Variants in NHS observed in about 807,000 individuals in gnomAD.
NHS encodes the protein actin remodeling regulator NHS.
A neutral mutation model predicts 72.5 loss-of-function variants in NHS; 5 were observed. The ratio of observed to expected loss-of-function variants is 0.07; its 90% CI spans 0.04 to 0.14. NHS has a LOEUF of 0.14. Ranked by LOEUF, NHS falls within the 10% of genes least tolerant of loss-of-function variation. The probability of loss-of-function intolerance (pLI) is 1.00; values close to 1 mark genes in which losing one functional copy is unlikely to be tolerated. For synonymous variants in NHS, 464 were observed against 547.7 expected, an observed-to-expected ratio of 0.85 and a Z score of 2.13; for missense variants, 1,072 against 1,355.7, an observed-to-expected ratio of 0.79 and a Z score of 3.29.
chrX:17,413,216 CT>C (rs1453957995), intron 1 of NHS, among the ~76,000 whole-genome samples: 9 of 112,162 alleles, frequency 8.0e-5, no homozygotes, highest in African/African-American at 2.9e-4. Flanking sequence ...GTAATTTTGT[CT>C]TACAGTCAAT....
At chrX:17,441,658 CTTCCTTCCTTCCTTCCTTCG>C (rs1352158400) in intron 1 of NHS, among the ~76,000 whole-genome samples, 1 of 110,559 alleles carries the variant, frequency 9.0e-6, no homozygotes, top group Non-Finnish European at 1.9e-5. Context: ...CCAGTTTTTC[CTTCCTTCCTTCCTTCCTTCG>C]TTCCTTCCTT....
In NHS at chrX:17,375,845, G is replaced by T; in HGVS notation, c.88G>T (p.Gly30Cys). 1.8e-6 allele frequency: 2 copies of T among 1,141,653 alleles called. No individual in the cohort carries two copies. Among genetic ancestry groups the T allele is most frequent in the Non-Finnish European group, 2.3e-6 (2 of 867,075 alleles). The allele number at this position is 1,141,653 out of a possible 1,213,427, so 94.1% of individuals were successfully genotyped here. A position where few individuals can be genotyped will look rare whatever the true frequency, so the allele number is the denominator to read the frequency against. ...APGPAVDASG[G>C]SAEPPPPLQP... ...CGGCCCAGCAGTGGACGCGAGCGGA[G>T]GCAGCGCTGAGCCGCCGCCGCCCTT... Residue 30 changes from glycine (G) to cysteine (C), a missense_variant, in exon 1 of 9, where the codon GGC becomes TGC. Transcript: ENST00000676302.
chrX:17,687,603 G>A (rs2066170578), intron 1 of NHS, 139 bp from the exon 2 acceptor site: 1 of 758,897 alleles, frequency 1.3e-6, no homozygotes, highest in African/African-American at 2.1e-5. Context: ...CCGGCCTTGA[G>A]TTAGTTCTTA....
At position 17,536,527 on chromosome X, in the gene NHS, A is replaced by G. The variant is rs184011575; in HGVS notation, c.566-151215A>G. On this transcript the variant is annotated intron_variant, in intron 1 of 8. Coordinates refer to ENST00000676302, the MANE Select transcript of NHS (RefSeq NM_001291867.2). Reference sequence around the variant, plus strand: ...TGTGTAGAGTATAGAGGGAAGGAAAAAGTACTGGAAGGGTTGCTCCTTCTG... The same window carrying G: ...TGTGTAGAGTATAGAGGGAAGGAAAGAGTACTGGAAGGGTTGCTCCTTCTG... Among the ~76,000 whole-genome samples the G allele has an allele frequency of 4.5e-5, 5 of 112,162 alleles. No individual in the cohort carries two copies. In the Admixed American group the frequency reaches 4.7e-4, roughly 11 times the overall value.
chrX:17,725,340 G>A lies in NHS; in HGVS notation c.1241-7G>A, dbSNP rs751730217. On this transcript the variant is annotated splice_region_variant and splice_polypyrimidine_tract_variant and intron_variant, in intron 6 of 8. Coordinates refer to ENST00000676302, the MANE Select transcript of NHS (RefSeq NM_001291867.2). ...AAATATCTCACTGTGCTTTCCATGT[G>A]CCCTAGATTCTGATGAATCACCAGT... The A allele has an allele frequency of 3.2e-5, 39 of 1,200,734 alleles. No individual in the cohort carries two copies. Among genetic ancestry groups the A allele is most frequent in the Non-Finnish European group, 4.4e-5 (39 of 887,846 alleles).
At chrX:17,381,724 G>T (rs1261000321) in intron 1 of NHS, among the ~76,000 whole-genome samples, 1 of 112,244 alleles carries the variant, frequency 8.9e-6, no homozygotes, top group Non-Finnish European at 1.9e-5. Flanking sequence ...GTTTCCATTT[G>T]GGAGCTATTG....
At position 17,389,881 on chromosome X, in the gene NHS, C is replaced by T. The variant is rs770594474; in HGVS notation, c.565+13559C>T. Among the ~76,000 whole-genome samples the T allele has an allele frequency of 9.1e-5, 10 of 109,315 alleles. 1 individual carries two copies. In the South Asian group the frequency reaches 3.5e-3, roughly 38 times the overall value. 94.9% of individuals were successfully genotyped at this position (109,315 alleles called of 115,157 possible). On this transcript the variant is annotated intron_variant, in intron 1 of 8. Transcript: ENST00000676302. ...CCTCCCAAAGTGCTGGGATTACAGG[C>T]GTGAGCCACCGCACCTGGCCAGTAG...
At chrX:17,671,645 T>A (rs926813549) in intron 1 of NHS, among the ~76,000 whole-genome samples, 5 of 112,181 alleles carry the variant, frequency 4.5e-5, no homozygotes, top group African/African-American at 1.6e-4. Context: ...TGAAAAAGCA[T>A]CTAGTTTGAC....
chrX:17,535,658 A>C (rs1411801478), intron 1 of NHS, among the ~76,000 whole-genome samples: 1 of 111,442 alleles, frequency 9.0e-6, no homozygotes, highest in Non-Finnish European at 1.9e-5. Context: ...TCCTCACTGC[A>C]ACCTTGGACT....
chrX:17,598,972 T>C (rs2065637258), intron 1 of NHS, among the ~76,000 whole-genome samples: 1 of 111,897 alleles, frequency 8.9e-6, no homozygotes, highest in Non-Finnish European at 1.9e-5. Flanking sequence ...TAGTTTGAAC[T>C]GTTTTTTGAA....
At chrX:17,703,689 T>A (rs891792941) in intron 3 of NHS, among the ~76,000 whole-genome samples, 1 of 112,712 alleles carries the variant, frequency 8.9e-6, no homozygotes, top group African/African-American at 3.2e-5. Context: ...TCCAGCATAA[T>A]CATTTGCCAC....
chrX:17,403,322 A>T (rs895881517), intron 1 of NHS, among the ~76,000 whole-genome samples: 1 of 112,402 alleles, frequency 8.9e-6, no homozygotes, highest in African/African-American at 3.2e-5. Flanking sequence ...GGAGGAAAAG[A>T]TAAACAGGTT....
intron 1 of NHS, among the ~76,000 whole-genome samples, chrX:17,400,993 A>G (rs1215760616): frequency 8.9e-6 from 1 of 112,524 alleles, no homozygotes; most frequent in African/African-American, 3.2e-5. Context: ...GAAACTTATT[A>G]CAAAACTACA....
chrX:17,468,300 T>C (rs776706341), intron 1 of NHS, among the ~76,000 whole-genome samples: 1 of 111,514 alleles, frequency 9.0e-6, no homozygotes, highest in Non-Finnish European at 1.9e-5. Flanking sequence ...TTTAAAATCT[T>C]TCTCTTGGAG....
At chrX:17,496,806 C>T (rs886335582) in intron 1 of NHS, among the ~76,000 whole-genome samples, 4 of 112,099 alleles carry the variant, frequency 3.6e-5, no homozygotes, top group Non-Finnish European at 7.5e-5. Context: ...ACTGCCCTCC[C>T]TCCACCCCCA....
At chrX:17,425,621 T>TTTTCC (rs1307431834) in intron 1 of NHS, among the ~76,000 whole-genome samples, 1 of 101,042 alleles carries the variant, frequency 9.9e-6, no homozygotes, top group Admixed American at 1.1e-4. Context: ...GTTTTACATG[T>TTTTCC]TTTCCTTCCT....
At position 17,727,707 on chromosome X, in the gene NHS, T is replaced by C; in HGVS notation, c.3601T>C (p.Ser1201Pro). The change falls in exon 7 of 9, where the codon TCC (serine) becomes CCC (proline). Residue 1201 changes from serine to proline, a missense_variant. Physicochemically the swap from Ser to Pro is moderately conservative, Grantham distance 74. Transcript: ENST00000676302. ...ATACTCCACTGAAGACACCATACTG[T>C]CCTTTTTAGACTCTTCTGCAGTTGA... is the stretch of plus-strand genomic sequence containing the variant. ...RQYSTEDTILSFLDSSAVEMG... is the reference protein window; with the variant it reads ...RQYSTEDTILPFLDSSAVEMG... The C allele has an allele frequency of 8.3e-7, 1 of 1,211,234 alleles. No individual in the cohort carries two copies. The highest frequency in any genetic ancestry group is 1.1e-6 in the Non-Finnish European group (1 of 894,906).
intron 1 of NHS, among the ~76,000 whole-genome samples, chrX:17,409,124 G>T (rs1471908009): frequency 8.9e-6 from 1 of 112,340 alleles, no homozygotes; most frequent in Admixed American, 9.4e-5. Flanking sequence ...GGGGGTTAGG[G>T]CTTCAGCATA....
rs777523269 is a variant in NHS at position 17,409,506 on chromosome X, G to T, written c.565+33184G>T. On this transcript the variant is annotated intron_variant, in intron 1 of 8. Coordinates refer to ENST00000676302, the MANE Select transcript of NHS (RefSeq NM_001291867.2). The stretch of plus-strand genomic sequence containing the variant: ...AAACTGGAAGGTCAGGATAAGCTGG[G>T]TTATGCCATGACAATAAACATCTCC... Among the ~76,000 whole-genome samples the T allele has an allele frequency of 2.7e-5, 3 of 110,672 alleles. No homozygotes were observed. In the South Asian group the frequency reaches 1.2e-3, roughly 43 times the overall value.
Sources: allele counts gnomAD v4.1 joint callset (sites outside exome capture counted in the v4.1 genomes callset), GRCh38; gene constraint gnomAD v4.1.1; transcripts MANE v1.5; gene names NCBI Gene and HGNC (gene_info 2026-07-23, HGNC 2026-07-21).